Variants in MFHAS1 observed in about 807,000 individuals in gnomAD.
MFHAS1 encodes the protein multifunctional ROCO family signaling regulator 1.
In MFHAS1, 50 loss-of-function variants were observed where a neutral mutation model predicts 70.4. The observed-to-expected ratio is 0.71, with a 90% CI of 0.57 to 0.90. MFHAS1 has a LOEUF of 0.90. Among genes scored for constraint, MFHAS1 ranks in the 40% least tolerant of loss-of-function variants. The probability of loss-of-function intolerance (pLI) is 0.00; values close to 1 mark genes in which losing one functional copy is unlikely to be tolerated. For missense variants in MFHAS1, 1,795 were observed against 1,347.6 expected (o/e 1.33, Z -5.20); for synonymous variants, 952 against 620.0 (o/e 1.54, Z -7.96).
intron 1 of MFHAS1, among the ~76,000 whole-genome samples, chr8:8,826,350 G>C (rs1807162470): frequency 6.6e-6 from 1 of 151,730 alleles, no homozygotes; most frequent in Non-Finnish European, 1.5e-5. Context: ...TGTGTGTCAG[G>C]GAAGAACACG....
intron 1 of MFHAS1, among the ~76,000 whole-genome samples, chr8:8,846,441 T>C (rs1047777641): frequency 5.9e-5 from 9 of 151,978 alleles, no homozygotes; most frequent in Non-Finnish European, 8.8e-5. Flanking sequence ...TCAGTGTTCC[T>C]TGCCCAAACT....
chr8:8,849,133 A>C (rs1218476308), intron 1 of MFHAS1, among the ~76,000 whole-genome samples: 1 of 127,166 alleles, frequency 7.9e-6, no homozygotes, highest in Non-Finnish European at 1.6e-5. Context: ...CAGGCTGAAG[A>C]GCAATGGCAC....
In MFHAS1 at chr8:8,892,546, C is replaced by T. The variant is rs1210420599; in HGVS notation, c.513G>A (p.Ala171=). 1.9e-6 allele frequency: 3 copies of T among 1,597,174 alleles called. 1 individual carries two copies. Among genetic ancestry groups the T allele is most frequent in the Non-Finnish European group, 2.6e-6 (3 of 1,172,372 alleles). Residue 171 remains alanine, a synonymous_variant, in exon 1 of 3, where the codon GCG becomes GCA. Transcript: ENST00000276282. This position sits in a 1 kb window ranked among gnomAD's most constrained non-coding sequence, Gnocchi z 4.7. ...GGCAGGAGAGGGAGTCAGGCAGGTGCGCCAGCCGGTTAAAGCTGACATCCA... is the reference window on the plus strand; with the variant it reads ...GGCAGGAGAGGGAGTCAGGCAGGTGTGCCAGCCGGTTAAAGCTGACATCCA... ...EELDVSFNRL[A]HLPDSLSCLS... is the part of the protein sequence containing the mutation.
At chr8:8,852,084 C>A (rs1304490715) in intron 1 of MFHAS1, among the ~76,000 whole-genome samples, 1 of 152,086 alleles carries the variant, frequency 6.6e-6, no homozygotes, top group Non-Finnish European at 1.5e-5. Context: ...CTCTCCAGCA[C>A]CATGGGAGTC....
At chr8:8,881,248 T>C (rs974659314) in intron 1 of MFHAS1, among the ~76,000 whole-genome samples, 5 of 152,196 alleles carry the variant, frequency 3.3e-5, no homozygotes, top group African/African-American at 1.2e-4. Context: ...TTCTGAAGGA[T>C]TTAGTGCCAA....
At chr8:8,866,675 G>C (rs201013350) in intron 1 of MFHAS1, among the ~76,000 whole-genome samples, 5 of 152,134 alleles carry the variant, frequency 3.3e-5, no homozygotes, top group African/African-American at 9.7e-5. Context: ...TGGCCACTGA[G>C]TCCCTTCTCT....
intron 1 of MFHAS1, among the ~76,000 whole-genome samples, chr8:8,827,976 T>G (rs1332201380): frequency 1.3e-5 from 2 of 152,166 alleles, no homozygotes; most frequent in Non-Finnish European, 2.9e-5. Flanking sequence ...GGACCCCAGC[T>G]CCCTTTTTTT....
intron 1 of MFHAS1, among the ~76,000 whole-genome samples, chr8:8,879,841 G>T (rs532764964): frequency 6.6e-6 from 1 of 152,104 alleles, no homozygotes; most frequent in Admixed American, 6.6e-5. Context: ...AGTGATTGAC[G>T]ACACTTATCT....
chr8:8,804,045 GA>G (rs1413915866), intron 1 of MFHAS1, among the ~76,000 whole-genome samples: 2 of 152,172 alleles, frequency 1.3e-5, no homozygotes, highest in Non-Finnish European at 2.9e-5. Context: ...CATGCCACTG[GA>G]TATCAGGGAC....
rs1424170362 is a variant in MFHAS1, at chr8:8,891,787, CAA to C, written c.1270_1271del (p.Leu424AlafsTer53). The C allele has an allele frequency of 3.7e-6, 6 of 1,613,240 alleles. No homozygotes were observed. The highest frequency in any genetic ancestry group is 1.3e-5 in the African/African-American group (1 of 74,934). On this transcript the variant is annotated frameshift_variant, in exon 1 of 3. Transcript: ENST00000276282. LOFTEE classifies it high-confidence loss of function. The surrounding 1 kb of genome is among the most constrained non-coding windows in gnomAD (Gnocchi z 5.4). ...TCTCCTCGGTGAGGCAGTGGCGCAG[CAA>C]AGTCTTTCCTGCAGCCTTATGCCCC... is the stretch of plus-strand genomic sequence containing the variant. ...LMGHKAAGKT[L>X]LRHCLTEERV...
chr8:8,888,870 C>T (rs1006197498), intron 1 of MFHAS1, among the ~76,000 whole-genome samples: 1 of 152,126 alleles, frequency 6.6e-6, no homozygotes. Context: ...TGATGTGTCA[C>T]TGCAGGTTTA....
At chr8:8,845,490 C>T (rs1049197047) in intron 1 of MFHAS1, among the ~76,000 whole-genome samples, 4 of 152,126 alleles carry the variant, frequency 2.6e-5, no homozygotes, top group East Asian at 1.9e-4. Context: ...GTGAGGCTGC[C>T]GGAAACAGGT....
chr8:8,866,381 T>A (rs1382010127), intron 1 of MFHAS1, among the ~76,000 whole-genome samples: 1 of 151,568 alleles, frequency 6.6e-6, no homozygotes, highest in East Asian at 1.9e-4. Context: ...TACGGTGGCG[T>A]AATCTCAGCT....
At chr8:8,854,239 A>C (rs1420437537) in intron 1 of MFHAS1, among the ~76,000 whole-genome samples, 1 of 152,140 alleles carries the variant, frequency 6.6e-6, no homozygotes, top group African/African-American at 2.4e-5. Flanking sequence ...TCTACTAAAA[A>C]CATAAAAATT....
At chr8:8,862,701 T>C (rs1334055460) in intron 1 of MFHAS1, among the ~76,000 whole-genome samples, 1 of 152,148 alleles carries the variant, frequency 6.6e-6, no homozygotes, top group Non-Finnish European at 1.5e-5. Flanking sequence ...GAGTGAACCC[T>C]ACCTAGTGTG....
chr8:8,885,130 A>C (rs914803129), intron 1 of MFHAS1, among the ~76,000 whole-genome samples: 1 of 152,192 alleles, frequency 6.6e-6, no homozygotes, highest in South Asian at 2.1e-4. Flanking sequence ...AAACAAGTCA[A>C]ATATGCTGTG....
chr8:8,787,287 A>G (rs573454402), intron 2 of MFHAS1, among the ~76,000 whole-genome samples: 69 of 152,226 alleles, frequency 4.5e-4, no homozygotes, highest in South Asian at 8.3e-4. Flanking sequence ...TCACCATGTT[A>G]GCCAGGATGA....
intron 1 of MFHAS1, among the ~76,000 whole-genome samples, chr8:8,846,583 C>G (rs989225769): frequency 6.6e-6 from 1 of 152,022 alleles, no homozygotes. Context: ...CAGAATCTCC[C>G]CTCTGCTGCT....
At chr8:8,806,320 G>A (rs1470255140) in intron 1 of MFHAS1, among the ~76,000 whole-genome samples, 1 of 152,184 alleles carries the variant, frequency 6.6e-6, no homozygotes, top group Non-Finnish European at 1.5e-5. Flanking sequence ...CCACTTTGAA[G>A]TGTGAGGCTC....
Sources: gnomAD v4.1 joint callset for allele counts (sites outside exome capture counted in the v4.1 genomes callset) on GRCh38, gnomAD v4.1.1 for gene constraint, Gnocchi (gnomAD v3.1) non-coding constraint, MANE v1.5 for transcripts, NCBI Gene and HGNC (gene_info 2026-07-23, HGNC 2026-07-21) for gene names.